The following POLR1C variants were observed in gnomAD, a reference collection of about 807,000 sequenced individuals.
The protein encoded by POLR1C is DNA-directed RNA polymerases I and III subunit RPAC1.
A neutral mutation model predicts 38.3 loss-of-function variants in POLR1C; 42 were observed. That is an observed-to-expected ratio of 1.10 (90% confidence interval 0.86 to 1.42). The LOEUF (loss-of-function observed/expected upper bound fraction) is 1.42, where lower values mean the gene tolerates loss of function less well. POLR1C is among the 40% of genes most tolerant of loss of function. The probability of loss-of-function intolerance (pLI) is 0.00; values close to 1 mark genes in which losing one functional copy is unlikely to be tolerated. For synonymous variants in POLR1C, 163 were observed against 163.9 expected (o/e 0.99, Z 0.04); for missense variants, 507 against 450.5 (o/e 1.13, Z -1.14).
intron 10 of POLR1C, chr6:43,560,221 A>G: frequency 6.2e-7 from 1 of 1,612,526 alleles, no homozygotes; most frequent in South Asian, 1.1e-5. Flanking sequence ...TTTTGGTATT[A>G]TTGCTAATAG....
intron 8 of POLR1C, among the ~76,000 whole-genome samples, chr6:43,527,955 CAGT>C (rs1412015227): frequency 2.6e-5 from 4 of 152,230 alleles, no homozygotes; most frequent in African/African-American, 9.6e-5. Context: ...AGTAAGGTAA[CAGT>C]AGCCCCTATG....
chr6:43,524,900 C>A, downstream of POLR1C: 1 of 1,614,040 alleles, frequency 6.2e-7, no homozygotes, highest in Non-Finnish European at 8.5e-7. Flanking sequence ...GCCCGTGCAT[C>A]TGTAAGCCTT....
chr6:43,552,179 T>C (rs1415216882), intron 10 of POLR1C, among the ~76,000 whole-genome samples: 1 of 152,156 alleles, frequency 6.6e-6, no homozygotes, highest in Admixed American at 6.5e-5. Context: ...TGCCTCAGCC[T>C]CCTGAGTAGC....
chr6:43,539,632 G>T (rs1025779677), intron 9 of POLR1C: 10 of 1,339,096 alleles, frequency 7.5e-6, no homozygotes, highest in Admixed American at 3.9e-5. Context: ...CTCTGCGGAA[G>T]CCACCGCGGT....
At chr6:43,519,989 G>C in intron 4 of POLR1C, 77 bp from the exon 5 acceptor site, 1 of 1,578,538 alleles carries the variant, frequency 6.3e-7, no homozygotes, top group Non-Finnish European at 8.6e-7. Context: ...AATTAAATGG[G>C]AAACACGTAA....
intron 9 of POLR1C, chr6:43,539,415 A>G (rs915028198): frequency 6.3e-5 from 99 of 1,572,074 alleles, no homozygotes; most frequent in Non-Finnish European, 7.2e-5. Flanking sequence ...GCCCCCAGGA[A>G]AAAGTCAATG....
In POLR1C at chr6:43,519,747, T is replaced by A; in HGVS notation, c.291T>A (p.Asn97Lys). 6.2e-7 allele frequency: 1 copy of A among 1,613,924 alleles called. No individual in the cohort carries two copies. Among genetic ancestry groups the A allele is most frequent in the Non-Finnish European group, 8.5e-7 (1 of 1,179,826 alleles). ...TGGAGAAGGTCCTGGTGTACAATAA[T>A]ACATCCATTGTTCAGGATGAGATTC... ...MAVEKVLVYNNTSIVQDEILA... is the reference protein window; with the variant it reads ...MAVEKVLVYNKTSIVQDEILA... Residue 97 changes from asparagine to lysine, a missense_variant, in exon 4 of 9, where the codon AAT (asparagine) becomes AAA (lysine). Transcript: ENST00000642195.
chr6:43,523,627 TG>T, downstream of POLR1C: 1 of 754,856 alleles, frequency 1.3e-6, no homozygotes, highest in Non-Finnish European at 2.4e-6. Context: ...CCAAGTAGAA[TG>T]GGAACTATCT....
intron 9 of POLR1C, chr6:43,539,552 C>T (rs1454256413): frequency 1.4e-5 from 20 of 1,402,004 alleles, no homozygotes; most frequent in Admixed American, 3.5e-5. Flanking sequence ...CTTGCCTCCG[C>T]GAGCTCCGCG....
downstream of POLR1C, chr6:43,531,546 C>T (rs764308450): frequency 1.2e-6 from 2 of 1,613,878 alleles, no homozygotes; most frequent in South Asian, 2.2e-5. Flanking sequence ...ACAGGAGAGT[C>T]ATTGAGTTCC....
chr6:43,528,595 A>C (rs2127703446), intron 8 of POLR1C, among the ~76,000 whole-genome samples: 1 of 152,126 alleles, frequency 6.6e-6, no homozygotes, highest in African/African-American at 2.4e-5. Flanking sequence ...AGTTAACAGG[A>C]GGTTAGGAGC....
At chr6:43,530,653 C>T (rs372210289), downstream of POLR1C, 1 of 1,605,078 alleles carries the variant, frequency 6.2e-7, no homozygotes, top group Non-Finnish European at 8.5e-7. Context: ...AATTTTCTGA[C>T]CTTTTGGGTT....
intron 9 of POLR1C, chr6:43,539,447 A>C: frequency 6.4e-7 from 1 of 1,569,942 alleles, no homozygotes; most frequent in Non-Finnish European, 8.6e-7. Flanking sequence ...CTTAATGGGC[A>C]GGGAGAAGAG....
chr6:43,560,118 C>A (rs1762338345), intron 10 of POLR1C: 2 of 1,567,630 alleles, frequency 1.3e-6, no homozygotes, highest in South Asian at 1.2e-5. Context: ...CGCACCCAGC[C>A]TCAAAGTCTT....
chr6:43,537,140 CTTT>C (rs70990198), intron 9 of POLR1C, among the ~76,000 whole-genome samples: 2 of 137,170 alleles, frequency 1.5e-5, no homozygotes, highest in African/African-American at 2.8e-5. Context: ...ATAATTAAAA[CTTT>C]TTTTTTTTTT....
At chr6:43,538,471 T>C (rs1208912341) in intron 9 of POLR1C, among the ~76,000 whole-genome samples, 1 of 152,098 alleles carries the variant, frequency 6.6e-6, no homozygotes, top group East Asian at 1.9e-4. Flanking sequence ...CTAAGAGATA[T>C]CTTAAATATA....
intron 9 of POLR1C, chr6:43,539,342 C>T (rs561430114): frequency 1.4e-4 from 214 of 1,577,670 alleles, no homozygotes; most frequent in South Asian, 1.1e-3. Flanking sequence ...GAACCTGGTG[C>T]GCTGGCCAGC....
At chr6:43,548,513 G>A in intron 9 of POLR1C, 1 of 1,420,662 alleles carries the variant, frequency 7.0e-7, no homozygotes, top group Non-Finnish European at 9.3e-7. Context: ...GATTTTCAAG[G>A]AGAGGTGGCT....
chr6:43,549,812 T>C (rs1795142386), intron 9 of POLR1C: 1 of 1,446,398 alleles, frequency 6.9e-7, no homozygotes. Flanking sequence ...CCCATTTATA[T>C]AAAAATATAA....
Sources: gnomAD v4.1 joint callset for allele counts (sites outside exome capture counted in the v4.1 genomes callset) on GRCh38, gnomAD v4.1.1 for gene constraint, MANE v1.5 for transcripts, NCBI Gene and HGNC (gene_info 2026-07-23, HGNC 2026-07-21) for gene names.